GLCCI1: variants seen among roughly 807,000 people sequenced by gnomAD.
The protein encoded by GLCCI1 is glucocorticoid-induced transcript 1 protein.
A neutral mutation model predicts 52.2 loss-of-function variants in GLCCI1; 24 were observed. That is an observed-to-expected ratio of 0.46 (90% CI 0.33 to 0.65). GLCCI1 has a LOEUF of 0.65. GLCCI1 is among the 30% of genes least tolerant of loss of function. GLCCI1 has a pLI of 0.02. For synonymous variants in GLCCI1, 310 were observed against 276.5 expected (o/e 1.12, Z -1.20); for missense variants, 704 against 701.5 (o/e 1.00, Z -0.04).
At chr7:7,982,583 C>A (rs940209105) in intron 1 of GLCCI1, among the ~76,000 whole-genome samples, 10 of 152,098 alleles carry the variant, frequency 6.6e-5, no homozygotes, top group African/African-American at 2.2e-4. Context: ...TACTCATCAG[C>A]CAGCTTAAGA....
chr7:8,086,488 G>T lies in GLCCI1; in HGVS notation c.1594G>T (p.Glu532Ter). 6.2e-7 allele frequency: 1 copy of T among 1,613,898 alleles called. No individual in the cohort carries two copies. The highest frequency in any genetic ancestry group is 8.5e-7 in the Non-Finnish European group (1 of 1,179,906). The stretch of plus-strand genomic sequence containing the variant: ...ATCCCAGCAGCAGCAGCTCCTGCAG[G>T]AACTGCAGGGTGAGGACCACATCTC... ...QPSQQQQLLQ[E>*]LQGEDHISAQ... is the part of the protein sequence containing the mutation. The change falls in exon 8 of 8, where the codon GAA becomes TAA. Residue 532 changes from glutamate to a stop codon, truncating the protein, a stop_gained. Transcript: ENST00000223145. LOFTEE classifies it high-confidence loss of function. The surrounding 1 kb of genome is among the most constrained non-coding windows in gnomAD (Gnocchi z 4.4).
intron 2 of GLCCI1, among the ~76,000 whole-genome samples, chr7:8,006,735 C>T (rs1781158789): frequency 6.6e-6 from 1 of 152,172 alleles, no homozygotes; most frequent in Non-Finnish European, 1.5e-5. Flanking sequence ...TAAGAATTCT[C>T]AGATTCTTCA....
intron 3 of GLCCI1, 82 bp downstream of exon 3, chr7:8,022,651 T>C (rs1781519976): frequency 5.4e-6 from 4 of 741,606 alleles, no homozygotes; most frequent in East Asian, 3.3e-5. Flanking sequence ...AATGACACTT[T>C]TAAAATTTAT....
chr7:8,056,085 G>A (rs1782392130), intron 4 of GLCCI1, among the ~76,000 whole-genome samples: 1 of 151,938 alleles, frequency 6.6e-6, no homozygotes, highest in Non-Finnish European at 1.5e-5. Flanking sequence ...ATCACTTGAG[G>A]TCAGGAGTTC....
At chr7:8,064,051 T>C (rs552260598) in intron 5 of GLCCI1, among the ~76,000 whole-genome samples, 27 of 152,326 alleles carry the variant, frequency 1.8e-4, no homozygotes, top group Non-Finnish European at 3.4e-4. Context: ...ATTATGTAGG[T>C]TGTCTGTGTA....
intron 5 of GLCCI1, among the ~76,000 whole-genome samples, chr7:8,064,134 T>C (rs1782579923): frequency 6.6e-6 from 1 of 152,234 alleles, no homozygotes; most frequent in Non-Finnish European, 1.5e-5. Context: ...ATTTTTGTTT[T>C]TGTTGCAGTT....
chr7:7,975,557 T>G (rs1359603772), intron 1 of GLCCI1, among the ~76,000 whole-genome samples: 1 of 152,244 alleles, frequency 6.6e-6, no homozygotes, highest in East Asian at 1.9e-4. Context: ...CTAATGTTGA[T>G]GATCAGCTGT....
chr7:8,039,313 A>G (rs1781944007), intron 3 of GLCCI1, among the ~76,000 whole-genome samples: 1 of 152,182 alleles, frequency 6.6e-6, no homozygotes, highest in South Asian at 2.1e-4. Flanking sequence ...TTACAACACT[A>G]TTCACGGTAG....
intron 1 of GLCCI1, among the ~76,000 whole-genome samples, chr7:7,994,942 G>C (rs1490348547): frequency 6.6e-6 from 1 of 152,116 alleles, no homozygotes; most frequent in Admixed American, 6.6e-5. Flanking sequence ...TACACTAACA[G>C]TGTTTGTGTT....
chr7:7,972,344 C>T (rs75401665), intron 1 of GLCCI1, among the ~76,000 whole-genome samples: 5,743 of 149,704 alleles, frequency 0.038, 222 homozygotes, highest in East Asian at 0.17. Flanking sequence ...TGTGTGTGTG[C>T]GCGCAAGAGG....
chr7:7,985,858 T>C (rs1780716433), intron 1 of GLCCI1, among the ~76,000 whole-genome samples: 1 of 152,234 alleles, frequency 6.6e-6, no homozygotes, highest in Admixed American at 6.5e-5. Flanking sequence ...TGGGGTTGGC[T>C]TTATAATTTT....
intron 1 of GLCCI1, among the ~76,000 whole-genome samples, chr7:7,972,325 G>GTA (rs775137810): frequency 6.7e-6 from 1 of 149,598 alleles, no homozygotes; most frequent in Non-Finnish European, 1.5e-5. Flanking sequence ...TTCAGTGTAT[G>GTA]TGTGTGTGTG....
intron 7 of GLCCI1, 126 bp downstream of exon 7, chr7:8,085,143 A>G (rs1222773090): frequency 4.7e-6 from 5 of 1,053,734 alleles, no homozygotes; most frequent in Admixed American, 5.3e-5. Flanking sequence ...CAAATTATGT[A>G]AAGAGAATTG....
At chr7:8,046,202 G>A (rs551747727) in intron 3 of GLCCI1, among the ~76,000 whole-genome samples, 5 of 152,054 alleles carry the variant, frequency 3.3e-5, no homozygotes, top group Admixed American at 6.6e-5. Context: ...ATCAAGTCAC[G>A]TAGAACATAG....
chr7:7,972,793 AATG>A (rs1199246919), intron 1 of GLCCI1, among the ~76,000 whole-genome samples: 2 of 152,128 alleles, frequency 1.3e-5, no homozygotes, highest in African/African-American at 2.4e-5. Flanking sequence ...CCCAGGAAAA[AATG>A]ATAATTTCCT....
chr7:8,047,957 T>G (rs1246761798), intron 3 of GLCCI1, among the ~76,000 whole-genome samples: 1 of 152,182 alleles, frequency 6.6e-6, no homozygotes. Flanking sequence ...GCTGGGTGAC[T>G]TATCATGGGT....
At chr7:8,027,667 C>T (rs74427497) in intron 3 of GLCCI1, among the ~76,000 whole-genome samples, 4 of 150,532 alleles carry the variant, frequency 2.7e-5, no homozygotes, top group Non-Finnish European at 4.4e-5. Context: ...CAAAAGACAA[C>T]GAGTGGCTGA....
chr7:8,042,155 TA>T (rs1305610787), intron 3 of GLCCI1, among the ~76,000 whole-genome samples: 2 of 152,064 alleles, frequency 1.3e-5, no homozygotes, highest in Admixed American at 6.5e-5. Context: ...GATGGGGATA[TA>T]AAAAAAATTA....
At chr7:8,025,278 T>G (rs1486850936) in intron 3 of GLCCI1, among the ~76,000 whole-genome samples, 1 of 152,098 alleles carries the variant, frequency 6.6e-6, no homozygotes, top group Non-Finnish European at 1.5e-5. Context: ...AGGCAGAGCT[T>G]GCAGTGAGCC....
Sources: gnomAD v4.1 joint callset for allele counts (sites outside exome capture counted in the v4.1 genomes callset) on GRCh38, gnomAD v4.1.1 for gene constraint, Gnocchi (gnomAD v3.1) non-coding constraint, MANE v1.5 for transcripts, NCBI Gene and HGNC (gene_info 2026-07-23, HGNC 2026-07-21) for gene names.